The following SDK1 variants were observed in gnomAD, a reference collection of about 807,000 sequenced individuals.
SDK1 encodes sidekick cell adhesion molecule 1.
SDK1 carries 157 observed loss-of-function variants against 245.5 expected under a neutral mutation model. That is an observed-to-expected ratio of 0.64 (90% confidence interval 0.56 to 0.73). The LOEUF is 0.73. Among genes scored for constraint, SDK1 ranks in the 30% least tolerant of loss-of-function variants. The pLI, the probability that SDK1 is intolerant of heterozygous loss-of-function variation, is 0.00. For missense variants in SDK1, 3,583 were observed against 3,002.3 expected (o/e 1.19, Z -4.52); for synonymous variants, 1,647 against 1,278.5 (o/e 1.29, Z -6.15).
At chr7:4,115,872 A>C (rs1345472940) in intron 25 of SDK1, among the ~76,000 whole-genome samples, 2 of 152,224 alleles carry the variant, frequency 1.3e-5, no homozygotes, top group African/African-American at 4.8e-5. Context: ...GTTGGAACTC[A>C]GAGTGACTTT....
intron 5 of SDK1, among the ~76,000 whole-genome samples, chr7:3,825,566 T>C (rs1779751615): frequency 6.6e-6 from 1 of 152,240 alleles, no homozygotes; most frequent in African/African-American, 2.4e-5. Context: ...AAACAACATT[T>C]GCAGATAGGA....
In SDK1 at chr7:4,026,045, G is replaced by A. The variant is rs1372002424; in HGVS notation, c.2602+8693G>A. Among the ~76,000 whole-genome samples, 4 of 152,334 alleles carry A rather than the reference G, an allele frequency of 2.6e-5. No individual in the cohort carries two copies. Among genetic ancestry groups the A allele is most frequent in the Non-Finnish European group, 5.9e-5 (4 of 68,040 alleles). ...GCATGGGGAAATTAGGTCCACGAAC[G>A]CGTCCCCAGCGTTGGGGAGGTATGC... On this transcript the variant is annotated intron_variant, in intron 17 of 44. Coordinates refer to ENST00000404826, the MANE Select transcript of SDK1 (RefSeq NM_152744.4). The surrounding 1 kb of genome is among the most constrained non-coding windows in gnomAD (Gnocchi z 4.1).
At chr7:3,303,348 G>C (rs904371064) in intron 1 of SDK1, among the ~76,000 whole-genome samples, 4 of 152,090 alleles carry the variant, frequency 2.6e-5, no homozygotes, top group Non-Finnish European at 5.9e-5. Flanking sequence ...TTTAAACAGT[G>C]ACTTGCATTT....
chr7:3,329,188 A>G (rs1780006889), intron 1 of SDK1, among the ~76,000 whole-genome samples: 1 of 152,112 alleles, frequency 6.6e-6, no homozygotes, highest in Non-Finnish European at 1.5e-5. Context: ...ATCATTTTAC[A>G]TTTTGCAGAT....
At position 3,456,621 on chromosome 7, in the gene SDK1, A is replaced by G. The variant is rs1046949075; in HGVS notation, c.298+154737A>G. On this transcript the variant is annotated intron_variant, in intron 1 of 44. Transcript: ENST00000404826. Reference sequence around the variant, plus strand: ...GTTTTATTTTTTTCCGAGAGAATACATAGTTGCTTGTTGATGTATTTTTGT... The same window carrying G: ...GTTTTATTTTTTTCCGAGAGAATACGTAGTTGCTTGTTGATGTATTTTTGT... 3.3e-5 allele frequency among the ~76,000 whole-genome samples: 5 copies of G among 152,296 alleles called. 1 individual carries two copies. In the South Asian group the frequency reaches 8.3e-4, roughly 25 times the overall value.
At chr7:3,930,138 G>T (rs943752894) in intron 5 of SDK1, among the ~76,000 whole-genome samples, 1 of 152,108 alleles carries the variant, frequency 6.6e-6, no homozygotes, top group African/African-American at 2.4e-5. Flanking sequence ...GTCCTGATTC[G>T]ATGGGTCTGG....
chr7:3,480,384 C>T (rs780721802), intron 1 of SDK1, among the ~76,000 whole-genome samples: 15 of 151,746 alleles, frequency 9.9e-5, no homozygotes, highest in Admixed American at 7.2e-4. Flanking sequence ...GAAGAACTTC[C>T]GTGTTCCGGA....
At chr7:3,562,956 C>T (rs532469737) in intron 1 of SDK1, among the ~76,000 whole-genome samples, 1 of 151,326 alleles carries the variant, frequency 6.6e-6, no homozygotes, top group East Asian at 1.9e-4. Context: ...TGGCAAAGTT[C>T]ATTGATGTCT....
chr7:4,116,260 G>T (rs1257116862), intron 25 of SDK1, among the ~76,000 whole-genome samples: 1 of 152,176 alleles, frequency 6.6e-6, no homozygotes, highest in Admixed American at 6.5e-5. Flanking sequence ...TCTTCCTAAT[G>T]CTCATCTTAT....
At chr7:3,802,073 A>G (rs555102207) in intron 4 of SDK1, among the ~76,000 whole-genome samples, 1 of 152,224 alleles carries the variant, frequency 6.6e-6, no homozygotes, top group African/African-American at 2.4e-5. Context: ...AGAAGGTTGC[A>G]AAAACTATTC....
chr7:4,246,496 C>T (rs2128239467), intron 44 of SDK1, among the ~76,000 whole-genome samples: 1 of 152,262 alleles, frequency 6.6e-6, no homozygotes, highest in African/African-American at 2.4e-5. Context: ...GGCAGCGGGT[C>T]TGATCCTGCA....
At chr7:3,618,034 G>A (rs1265429545) in intron 1 of SDK1, among the ~76,000 whole-genome samples, 5 of 152,074 alleles carry the variant, frequency 3.3e-5, no homozygotes, top group African/African-American at 1.2e-4. Context: ...GAAAAATGAC[G>A]AGTCATATAA....
intron 1 of SDK1, among the ~76,000 whole-genome samples, chr7:3,569,998 C>G (rs1422061433): frequency 2.0e-5 from 3 of 152,136 alleles, no homozygotes; most frequent in African/African-American, 7.2e-5. Flanking sequence ...TTTTCTCTTA[C>G]CAGTCTGTTT....
chr7:3,645,558 T>C (rs760635767), intron 4 of SDK1, among the ~76,000 whole-genome samples: 3 of 152,226 alleles, frequency 2.0e-5, no homozygotes, highest in Non-Finnish European at 2.9e-5. Context: ...TATTAAATGA[T>C]CACATGTACC....
chr7:4,150,264 C>T (rs1025743212), intron 30 of SDK1, among the ~76,000 whole-genome samples: 3 of 152,176 alleles, frequency 2.0e-5, no homozygotes, highest in Non-Finnish European at 4.4e-5. Context: ...CCGGGACACC[C>T]GCCTTGTGCT....
chr7:3,518,752 A>G (rs1158393750), intron 1 of SDK1, among the ~76,000 whole-genome samples: 2 of 152,060 alleles, frequency 1.3e-5, no homozygotes, highest in Admixed American at 6.6e-5. Context: ...TATGGTCACT[A>G]TGGAGAGCAG....
chr7:3,612,326 C>T (rs1308744153), intron 1 of SDK1, among the ~76,000 whole-genome samples: 1 of 152,166 alleles, frequency 6.6e-6, no homozygotes, highest in Non-Finnish European at 1.5e-5. Flanking sequence ...ACTAGAGTGG[C>T]ACATATCTAG....
At chr7:3,931,933 T>C (rs763446950) in intron 5 of SDK1, among the ~76,000 whole-genome samples, 8 of 152,208 alleles carry the variant, frequency 5.3e-5, no homozygotes, top group Non-Finnish European at 1.2e-4. Flanking sequence ...ATACAGCTGT[T>C]ATTCATGCTG....
intron 2 of SDK1, among the ~76,000 whole-genome samples, chr7:3,627,343 C>T (rs995732025): frequency 6.6e-6 from 1 of 152,102 alleles, no homozygotes; most frequent in Non-Finnish European, 1.5e-5. Context: ...GTTTTCATAC[C>T]TCCTTCAATA....
Sources: allele counts gnomAD v4.1 joint callset (sites outside exome capture counted in the v4.1 genomes callset), GRCh38; gene constraint gnomAD v4.1.1; non-coding constraint Gnocchi (gnomAD v3.1); transcripts MANE v1.5; gene names NCBI Gene and HGNC (gene_info 2026-07-23, HGNC 2026-07-21).